Variants in NDC80 observed in about 807,000 individuals in gnomAD.
The protein encoded by NDC80 is NDC80 kinetochore complex component.
NDC80 carries 69 observed loss-of-function variants against 89.3 expected under a neutral mutation model. The ratio of observed to expected loss-of-function variants is 0.77; its 90% CI spans 0.64 to 0.94. The LOEUF (loss-of-function observed/expected upper bound fraction) is 0.94, where lower values mean the gene tolerates loss of function less well. Ranked by LOEUF, NDC80 falls within the 40% of genes least tolerant of loss-of-function variation. NDC80 has a pLI of 0.00. For synonymous variants in NDC80, 243 were observed against 255.6 expected (o/e 0.95, Z 0.47); for missense variants, 593 against 739.6 (o/e 0.80, Z 2.30).
At chr18:2,580,173 A>G (rs72857090) in intron 6 of NDC80, among the ~76,000 whole-genome samples, 28,037 of 151,656 alleles carry the variant, frequency 0.18, 2,996 homozygotes, top group Non-Finnish European at 0.24. Context: ...TCTTATTTAC[A>G]TTTTTTGTTT....
At chr18:2,603,907 T>C (rs1179639642) in intron 13 of NDC80, among the ~76,000 whole-genome samples, 1 of 152,162 alleles carries the variant, frequency 6.6e-6, no homozygotes, top group African/African-American at 2.4e-5. Flanking sequence ...TAAATTATCA[T>C]AGAGCATAAA....
chr18:2,607,964 A>AGTATATATAT (rs1555618971), intron 14 of NDC80, among the ~76,000 whole-genome samples: 1 of 39,570 alleles, frequency 2.5e-5, no homozygotes, highest in Non-Finnish European at 4.4e-5. Context: ...ATATATACAT[A>AGTATATATAT]GTATATATAT....
intron 1 of NDC80, among the ~76,000 whole-genome samples, chr18:2,572,281 G>C (rs1389158770): frequency 6.6e-6 from 1 of 152,236 alleles, no homozygotes; most frequent in African/African-American, 2.4e-5. Flanking sequence ...GCTGGGTGCA[G>C]AGATGAGACA....
chr18:2,607,953 CATATATACATAGTATATATATAT>C (rs2072721389), intron 14 of NDC80, among the ~76,000 whole-genome samples: 1 of 88,758 alleles, frequency 1.1e-5, no homozygotes, highest in Non-Finnish European at 2.2e-5. Context: ...TTTTATTTTA[CATATATACATAGTATATATATAT>C]ATATATATAT....
At chr18:2,586,270 A>T (rs1236705815) in intron 7 of NDC80, among the ~76,000 whole-genome samples, 1 of 152,190 alleles carries the variant, frequency 6.6e-6, no homozygotes, top group Non-Finnish European at 1.5e-5. Context: ...AACAAAAAAT[A>T]AACATGCGCC....
chr18:2,592,669 T>G (rs552130068), intron 10 of NDC80, among the ~76,000 whole-genome samples: 6 of 152,148 alleles, frequency 3.9e-5, no homozygotes, highest in African/African-American at 1.4e-4. Context: ...ATAAATTTTA[T>G]AGATATTATA....
At position 2,616,608 on chromosome 18, in the gene NDC80, G is replaced by C; in HGVS notation, c.*34G>C. ...TGTTGATCATGTATATATATCCATA[G>C]TGAATAAAATTGTCTCAGTAAAGTG... On this transcript the variant is annotated 3_prime_UTR_variant, in exon 17 of 17. Coordinates refer to ENST00000261597, the MANE Select transcript of NDC80 (RefSeq NM_006101.3). 8.4e-7 allele frequency: 1 copy of C among 1,188,878 alleles called. No individual in the cohort carries two copies. The allele number at this position is 1,188,878 out of a possible 1,614,324, so 73.6% of individuals were successfully genotyped here.
chr18:2,578,123 G>C lies in NDC80; in HGVS notation c.458G>C (p.Arg153Thr). 1 of 1,613,852 alleles carries C rather than the reference G, an allele frequency of 6.2e-7. No individual in the cohort carries two copies. The highest frequency in any genetic ancestry group is 8.5e-7 in the Non-Finnish European group (1 of 1,179,954). ...PDTKFEEEVP[R>T]IFKDLGYPFA... ...ACAAAGTTTGAAGAAGAGGTTCCAA[G>C]AATCTTTAAAGACCTTGGGTATGTA... The change falls in exon 5 of 17, where the codon AGA becomes ACA. Residue 153 changes from arginine (R) to threonine (T), a missense_variant. Coordinates refer to ENST00000261597, the MANE Select transcript of NDC80 (RefSeq NM_006101.3).
Position 2,610,820 on chromosome 18 carries a change from C to A in NDC80, c.1750C>A (p.Arg584Ser). ...ACGAAAAGTGGGAAATAACTTGCAA[C>A]GTCTGTTAGAGATGGTTGCTACACA... ...ERRKVGNNLQ[R>S]LLEMVATHVG... Residue 584 changes from arginine (R) to serine (S), a missense_variant, in exon 16 of 17, where the codon CGT (arginine) becomes AGT (serine). Arg to Ser is a moderately radical substitution (Grantham distance 110). Transcript: ENST00000261597. The A allele has an allele frequency of 6.3e-7, 1 of 1,589,708 alleles. No individual in the cohort carries two copies. The highest frequency in any genetic ancestry group is 2.3e-5 in the East Asian group (1 of 44,362).
intron 3 of NDC80, among the ~76,000 whole-genome samples, chr18:2,575,803 T>C (rs564841782): frequency 8.0e-4 from 122 of 152,286 alleles, no homozygotes; most frequent in African/African-American, 2.9e-3. Context: ...CACATGCCTG[T>C]AGTCCCATCT....
At chr18:2,573,453 T>C (rs1170041691) in intron 2 of NDC80, among the ~76,000 whole-genome samples, 2 of 152,248 alleles carry the variant, frequency 1.3e-5, no homozygotes, top group Admixed American at 1.3e-4. Context: ...AAAGCTTCAA[T>C]CAAATCAGAG....
intron 8 of NDC80, among the ~76,000 whole-genome samples, chr18:2,588,959 A>G (rs1216014077): frequency 2.0e-5 from 3 of 152,128 alleles, no homozygotes; most frequent in Admixed American, 2.0e-4. Context: ...GAAAATAATG[A>G]AATGAGCAAC....
intron 13 of NDC80, 26 bp downstream of exon 13, chr18:2,601,511 T>C: frequency 9.3e-7 from 1 of 1,076,102 alleles, no homozygotes; most frequent in Non-Finnish European, 1.3e-6. Context: ...TAAAAAGTCA[T>C]AAAAAGTGAA....
intron 13 of NDC80, among the ~76,000 whole-genome samples, chr18:2,605,945 T>C (rs1188206534): frequency 6.6e-6 from 1 of 152,146 alleles, no homozygotes; most frequent in Non-Finnish European, 1.5e-5. Context: ...GTTACCTTAT[T>C]ACTTTTTGAA....
chr18:2,598,641 T>C (rs774370456), intron 11 of NDC80, among the ~76,000 whole-genome samples: 16 of 152,228 alleles, frequency 1.1e-4, no homozygotes, highest in Non-Finnish European at 2.1e-4. Flanking sequence ...ATACATGAAA[T>C]GTTTTAATTT....
intron 6 of NDC80, chr18:2,582,762 A>G (rs965637375): frequency 2.0e-5 from 3 of 151,972 alleles, no homozygotes; most frequent in African/African-American, 7.2e-5. Context: ...TTTCCTAATG[A>G]CCTCTATTTG....
chr18:2,580,347 T>C (rs1243685331), intron 6 of NDC80, among the ~76,000 whole-genome samples: 1 of 151,984 alleles, frequency 6.6e-6, no homozygotes, highest in Non-Finnish European at 1.5e-5. Flanking sequence ...TTTTTTTTTT[T>C]AATTTCATGT....
intron 2 of NDC80, 133 bp downstream of exon 2, chr18:2,573,219 A>G: frequency 1.5e-6 from 1 of 649,866 alleles, no homozygotes; most frequent in Non-Finnish European, 2.5e-6. Flanking sequence ...GGGGTACCTA[A>G]TTTTGGATCA....
rs571744714 is a variant in NDC80, at chr18:2,576,595, C to G, written c.180-1151C>G. Among the ~76,000 whole-genome samples, 3 of 152,280 alleles carry G rather than the reference C, an allele frequency of 2.0e-5. No individual in the cohort carries two copies. In the South Asian group the frequency reaches 6.2e-4, roughly 32 times the overall value. On this transcript the variant is annotated intron_variant, in intron 3 of 16. Coordinates refer to ENST00000261597, the MANE Select transcript of NDC80 (RefSeq NM_006101.3). The stretch of plus-strand genomic sequence containing the variant: ...TGATCCTTAGACAACACTTTGAGAA[C>G]AACCATCTATCTGGAGTAGGTCAGT...
Sources: gnomAD v4.1 joint callset for allele counts (sites outside exome capture counted in the v4.1 genomes callset) on GRCh38, gnomAD v4.1.1 for gene constraint, MANE v1.5 for transcripts, NCBI Gene and HGNC (gene_info 2026-07-23, HGNC 2026-07-21) for gene names.